Variants in ZNF154 observed in about 807,000 individuals in gnomAD.
ZNF154 encodes the protein zinc finger protein 154, also known as zinc finger protein 154 (pHZ-92).
ZNF154 carries 6 observed loss-of-function variants against 7.5 expected under a neutral mutation model. The ratio of observed to expected loss-of-function variants is 0.80; its 90% CI spans 0.44 to 1.57. The LOEUF is 1.57. Among genes scored for constraint, ZNF154 ranks in the 40% most tolerant of loss-of-function variants. The pLI is 0.01. For missense variants in ZNF154, 485 were observed against 531.4 expected (o/e 0.91, Z 0.86); for synonymous variants, 187 against 185.9 (o/e 1.01, Z -0.05).
In ZNF154 at chr19:57,700,490, C is replaced by T. The variant is rs954199775; in HGVS notation, c.*1145G>A. On this transcript the variant is annotated 3_prime_UTR_variant, in exon 3 of 3. Transcript: ENST00000684351. ...TGCAGTGTTATTGCAGTTTTCCACT[C>T]TCTATCAATCCAGTACTTCTATAAC... is the stretch of plus-strand genomic sequence containing the variant. The T allele has an allele frequency of 6.6e-6, 1 of 152,244 alleles. No homozygotes were observed. The highest frequency in any genetic ancestry group is 2.4e-5 in the African/African-American group (1 of 41,462). The allele number at this position is 152,244 out of a possible 1,614,324, so 9.4% of individuals were successfully genotyped here.
At chr19:57,705,527 G>A (rs866082419) in intron 1 of ZNF154, among the ~76,000 whole-genome samples, 1 of 152,114 alleles carries the variant, frequency 6.6e-6, no homozygotes, top group Admixed American at 6.5e-5. Context: ...AGGCCAAGAC[G>A]GGTGGATCAC....
chr19:57,706,275 C>A (rs1985386208), intron 1 of ZNF154, among the ~76,000 whole-genome samples: 1 of 152,210 alleles, frequency 6.6e-6, no homozygotes, highest in Non-Finnish European at 1.5e-5. Context: ...TGGCTGGCTC[C>A]ATTCTTTGCC....
intron 1 of ZNF154, among the ~76,000 whole-genome samples, chr19:57,705,350 C>T (rs796570043): frequency 1.2e-4 from 19 of 152,342 alleles, no homozygotes; most frequent in African/African-American, 4.3e-4. Context: ...TCTCCCTGCT[C>T]TTACCTCCCA....
intron 1 of ZNF154, among the ~76,000 whole-genome samples, chr19:57,705,466 G>A (rs1451182869): frequency 6.6e-6 from 1 of 152,126 alleles, no homozygotes; most frequent in Non-Finnish European, 1.5e-5. Context: ...CTAGAAAGAC[G>A]ATACAGCAGT....
At position 57,698,709 on chromosome 19, in the gene ZNF154, G is replaced by A. The variant is rs1984998108; in HGVS notation, c.*2926C>T. The A allele has an allele frequency of 6.6e-6, 1 of 152,022 alleles. No individual in the cohort carries two copies. Among genetic ancestry groups the A allele is most frequent in the Admixed American group, 6.6e-5 (1 of 15,256 alleles). The allele number at this position is 152,022 out of a possible 1,614,324, so 9.4% of individuals were successfully genotyped here. On this transcript the variant is annotated 3_prime_UTR_variant, in exon 3 of 3. Coordinates refer to ENST00000684351, the MANE Select transcript of ZNF154 (RefSeq NM_001085384.3). ...ATGTGGTTATACATCATTTTAATAGGCATTTCTCGCTTTATGTTTTTTTGC... is the reference window on the plus strand; with the variant it reads ...ATGTGGTTATACATCATTTTAATAGACATTTCTCGCTTTATGTTTTTTTGC...
At chr19:57,704,764 C>T in intron 2 of ZNF154, 89 bp downstream of exon 2, 5 of 1,510,494 alleles carry the variant, frequency 3.3e-6, no homozygotes, top group African/African-American at 1.4e-5. Flanking sequence ...AGCCCATAGT[C>T]TTGTCATGAG....
At chr19:57,707,113 C>CAAAAAAAAAAAAAAAA (rs1282058157) in intron 1 of ZNF154, among the ~76,000 whole-genome samples, 50 of 94,198 alleles carry the variant, frequency 5.3e-4, no homozygotes, top group Middle Eastern at 6.7e-3. Flanking sequence ...CACTCCATCT[C>CAAAAAAAAAAAAAAAA]AAAAAAAAAA....
Position 57,709,057 on chromosome 19 carries a change from G to C in ZNF154, c.-86C>G. On this transcript the variant is annotated 5_prime_UTR_variant, in exon 1 of 3. Transcript: ENST00000684351. Reference sequence around the variant, plus strand: ...CAGCGGTCCCTATCCCAGGCCTGACGTGGGTCCCCCAGGGCGGCGTCGCCA... The same window carrying C: ...CAGCGGTCCCTATCCCAGGCCTGACCTGGGTCCCCCAGGGCGGCGTCGCCA... 6.5e-7 allele frequency: 1 copy of C among 1,530,208 alleles called. No homozygotes were observed. Among genetic ancestry groups the C allele is most frequent in the South Asian group, 1.2e-5 (1 of 83,596 alleles). The allele number at this position is 1,530,208 out of a possible 1,614,324, so 94.8% of individuals were successfully genotyped here. A position where few individuals can be genotyped will look rare whatever the true frequency, so the allele number is the denominator to read the frequency against.
At chr19:57,703,345 A>G (rs111442958) in intron 2 of ZNF154, among the ~76,000 whole-genome samples, 2,741 of 151,846 alleles carry the variant, frequency 0.018, 80 homozygotes, top group African/African-American at 0.062. Context: ...AATTAGCTGG[A>G]CATGGTGGTG....
At position 57,701,419 on chromosome 19, in the gene ZNF154, G is replaced by A; in HGVS notation, c.*216C>T. 1 of 582,548 alleles carries A rather than the reference G, an allele frequency of 1.7e-6. No homozygotes were observed. The highest frequency in any genetic ancestry group is 3.0e-6 in the Non-Finnish European group (1 of 330,150). The allele number at this position is 582,548 out of a possible 1,614,324, so 36.1% of individuals were successfully genotyped here. A position where few individuals can be genotyped will look rare whatever the true frequency, so the allele number is the denominator to read the frequency against. ...TTATGCAGATGTTCAGATATAGGAT[G>A]TTCAATTCAGGCTGATGCCACCCTC... On this transcript the variant is annotated 3_prime_UTR_variant, in exon 3 of 3. Coordinates refer to ENST00000684351, the MANE Select transcript of ZNF154 (RefSeq NM_001085384.3).
rs207477286 is a variant in ZNF154, at chr19:57,709,112, G to T, written c.-141C>A. ...TTAGACGCTTTCGTGCAGGAGGGACGACGACTCCCCTCACGCCTTCGTGGC... is the reference window on the plus strand; with the variant it reads ...TTAGACGCTTTCGTGCAGGAGGGACTACGACTCCCCTCACGCCTTCGTGGC... On this transcript the variant is annotated 5_prime_UTR_variant, in exon 1 of 3. Coordinates refer to ENST00000684351, the MANE Select transcript of ZNF154 (RefSeq NM_001085384.3). 1 of 1,147,612 alleles carries T rather than the reference G, an allele frequency of 8.7e-7. No homozygotes were observed. The highest frequency in any genetic ancestry group is 1.4e-5 in the South Asian group (1 of 71,454). The allele number at this position is 1,147,612 out of a possible 1,614,324, so 71.1% of individuals were successfully genotyped here. A position where few individuals can be genotyped will look rare whatever the true frequency, so the allele number is the denominator to read the frequency against.
Position 57,709,015 on chromosome 19 carries a change from T to C in ZNF154, c.-44A>G, listed in dbSNP as rs1357098759. 5.8e-6 allele frequency: 9 copies of C among 1,551,568 alleles called. No individual in the cohort carries two copies. In the African/African-American group the frequency reaches 1.2e-4, roughly 21 times the overall value. Reference sequence around the variant, plus strand: ...CTGGGCCGGGAGCGACGGGCGACATTGGTAGGGACCCGGGGACAGCGGTCC... The same window carrying C: ...CTGGGCCGGGAGCGACGGGCGACATCGGTAGGGACCCGGGGACAGCGGTCC... On this transcript the variant is annotated 5_prime_UTR_variant, in exon 1 of 3. Transcript: ENST00000684351.
At position 57,708,944 on chromosome 19, in the gene ZNF154, T is replaced by C. The variant is rs1052964715; in HGVS notation, c.28A>G (p.Thr10Ala). The change falls in exon 1 of 3, where the codon ACT becomes GCT. Residue 10 changes from threonine (T) to alanine (A), a missense_variant. By Grantham distance (58) the Thr-to-Ala change is moderately conservative (BLOSUM62 0). Coordinates refer to ENST00000684351, the MANE Select transcript of ZNF154 (RefSeq NM_001085384.3). The part of the protein sequence containing the change: MAAATLRTP[T>A]QGTVTFEDVA... Reference sequence around the variant, plus strand: ...CGGGAAGACGCCGCACTCACCTGAGTTGGCGTCCTCAGAGTGGCCGCTGCC... The same window carrying C: ...CGGGAAGACGCCGCACTCACCTGAGCTGGCGTCCTCAGAGTGGCCGCTGCC... The C allele has an allele frequency of 1.3e-6, 2 of 1,561,254 alleles. No homozygotes were observed. The highest frequency in any genetic ancestry group is 1.7e-6 in the Non-Finnish European group (2 of 1,153,340).
Position 57,700,527 on chromosome 19 carries a change from C to T in ZNF154, c.*1108G>A, listed in dbSNP as rs1463485362. The T allele has an allele frequency of 6.6e-6, 1 of 152,174 alleles. No individual in the cohort carries two copies. The highest frequency in any genetic ancestry group is 6.5e-5 in the Admixed American group (1 of 15,270). The allele number at this position is 152,174 out of a possible 1,614,324, so 9.4% of individuals were successfully genotyped here. On this transcript the variant is annotated 3_prime_UTR_variant, in exon 3 of 3. Coordinates refer to ENST00000684351, the MANE Select transcript of ZNF154 (RefSeq NM_001085384.3). ...AGTACTTCTATAACAATTATAATTC[C>T]TACTATAATCTTACCACCTGTGGTG... is the stretch of plus-strand genomic sequence containing the variant.
rs767078067 is a variant in ZNF154, at chr19:57,702,728, G to A, written c.221C>T (p.Ala74Val). 2.5e-6 allele frequency: 4 copies of A among 1,608,416 alleles called. No homozygotes were observed. Among genetic ancestry groups the A allele is most frequent in the Admixed American group, 3.3e-5 (2 of 59,946 alleles). ...EKHFRSNVGR[A>V]LFVKTCTFHV... Reference sequence around the variant, plus strand: ...GAATGTGCAGGTCTTCACAAACAAGGCTCTGCCCACATTGCTTCTGAAATG... The same window carrying A: ...GAATGTGCAGGTCTTCACAAACAAGACTCTGCCCACATTGCTTCTGAAATG... The change falls in exon 3 of 3, where the codon GCC (alanine) becomes GTC (valine). Residue 74 changes from alanine to valine, a missense_variant. Physicochemically the swap from Ala to Val is moderately conservative, Grantham distance 64. Coordinates refer to ENST00000684351, the MANE Select transcript of ZNF154 (RefSeq NM_001085384.3).
chr19:57,707,935 C>T (rs1985455943), intron 1 of ZNF154, among the ~76,000 whole-genome samples: 1 of 152,154 alleles, frequency 6.6e-6, no homozygotes, highest in South Asian at 2.1e-4. Context: ...GGTAACAGCA[C>T]TTAAGAATAC....
rs1386797895 is a variant in ZNF154, at chr19:57,702,297, C to G, written c.652G>C (p.Glu218Gln). 1.9e-6 allele frequency: 3 copies of G among 1,612,958 alleles called. No individual in the cohort carries two copies. Among genetic ancestry groups the G allele is most frequent in the Non-Finnish European group, 2.5e-6 (3 of 1,179,110 alleles). Reference protein sequence around the residue: ...RRVHTAVRPHECDECGKLFSN... With the variant: ...RRVHTAVRPHQCDECGKLFSN... ...AATAATTTTCCACATTCATCACATT[C>G]ATGAGGTCGTACTGCAGTGTGAACT... The change falls in exon 3 of 3, where the codon GAA (glutamate) becomes CAA (glutamine). Residue 218 changes from glutamate to glutamine, a missense_variant. Coordinates refer to ENST00000684351, the MANE Select transcript of ZNF154 (RefSeq NM_001085384.3).
At chr19:57,706,486 A>T (rs1339683236) in intron 1 of ZNF154, among the ~76,000 whole-genome samples, 5 of 152,200 alleles carry the variant, frequency 3.3e-5, no homozygotes, top group African/African-American at 1.2e-4. Context: ...CTTATCCTCC[A>T]GGTTGAATAA....
Position 57,696,851 on chromosome 19 carries a change from C to T in ZNF154, c.*4784G>A, listed in dbSNP as rs145464607. On this transcript the variant is annotated 3_prime_UTR_variant, in exon 3 of 3. Transcript: ENST00000684351. ...CCTTGGAAAGAAATCAGGGCTCCAACTAGAGCTGCCTTGCTGGAAGCTCGC... is the reference window on the plus strand; with the variant it reads ...CCTTGGAAAGAAATCAGGGCTCCAATTAGAGCTGCCTTGCTGGAAGCTCGC... Among the ~76,000 whole-genome samples, 1 of 152,216 alleles carries T rather than the reference C, an allele frequency of 6.6e-6. No individual in the cohort carries two copies. The highest frequency in any genetic ancestry group is 2.4e-5 in the African/African-American group (1 of 41,462).
Sources: gnomAD v4.1 joint callset for allele counts (sites outside exome capture counted in the v4.1 genomes callset) on GRCh38, gnomAD v4.1.1 for gene constraint, MANE v1.5 for transcripts, NCBI Gene and HGNC (gene_info 2026-07-23, HGNC 2026-07-21) for gene names.